ATP10D: variants seen among roughly 807,000 people sequenced by gnomAD.
The protein encoded by ATP10D is phospholipid-transporting ATPase VD.
ATP10D carries 89 observed loss-of-function variants against 144.8 expected under a neutral mutation model. The ratio of observed to expected loss-of-function variants is 0.61; its 90% CI spans 0.52 to 0.73. The LOEUF is 0.73. ATP10D is among the 30% of genes least tolerant of loss of function. The pLI is 0.00. For missense variants in ATP10D, 1,603 were observed against 1,714.8 expected (o/e 0.93, Z 1.15); for synonymous variants, 571 against 615.1 (o/e 0.93, Z 1.06).
At chr4:47,550,027 G>A (rs886878014) in intron 10 of ATP10D, among the ~76,000 whole-genome samples, 9 of 150,742 alleles carry the variant, frequency 6.0e-5, no homozygotes, top group Non-Finnish European at 1.3e-4. Flanking sequence ...AGATATTTGC[G>A]TCCACTCTTA....
rs1389647049 is a variant in ATP10D at position 47,572,939 on chromosome 4, GACACTGGTGTTAT to G, written c.3313_3325del (p.Trp1105GlyfsTer5). 5.6e-6 allele frequency: 9 copies of G among 1,613,936 alleles called. No individual in the cohort carries two copies. Among genetic ancestry groups the G allele is most frequent in the Non-Finnish European group, 7.6e-6 (9 of 1,179,976 alleles). On this transcript the variant is annotated frameshift_variant, in exon 18 of 23. Transcript: ENST00000273859. LOFTEE classifies it high-confidence loss of function. ...CTCAGCAAGCTCCTTCTTGTCCATG[GACACTGGTGTTAT>G]ACACGGCTTTCCAACATGATTCTCT...
intron 1 of ATP10D, among the ~76,000 whole-genome samples, chr4:47,500,165 T>C (rs1289635180): frequency 2.0e-5 from 3 of 152,266 alleles, no homozygotes; most frequent in Non-Finnish European, 2.9e-5. Context: ...TATACTCTTC[T>C]AGGCCTAGGC....
At chr4:47,546,540 T>G in intron 9 of ATP10D, 84 bp from the exon 10 acceptor site, 1 of 1,246,548 alleles carries the variant, frequency 8.0e-7, no homozygotes, top group Middle Eastern at 2.4e-4. Flanking sequence ...TGGTGTGAAA[T>G]AGCTGCTTAA....
chr4:47,526,791 T>G (rs1717269096), intron 5 of ATP10D, among the ~76,000 whole-genome samples: 1 of 152,130 alleles, frequency 6.6e-6, no homozygotes, highest in South Asian at 2.1e-4. Flanking sequence ...AATGCTTAAG[T>G]ATAAATCTGA....
chr4:47,573,410 T>A (rs1346405766), intron 18 of ATP10D, among the ~76,000 whole-genome samples: 3 of 152,238 alleles, frequency 2.0e-5, no homozygotes, highest in African/African-American at 7.2e-5. Context: ...CCCCATGTGT[T>A]ATAATAAAGA....
intron 13 of ATP10D, among the ~76,000 whole-genome samples, chr4:47,560,022 C>T (rs1030858901): frequency 1.3e-5 from 2 of 151,620 alleles, no homozygotes; most frequent in Non-Finnish European, 2.9e-5. Context: ...AAACCAAAAA[C>T]AAAAAGCCTG....
chr4:47,547,017 G>A (rs1718476912), intron 10 of ATP10D, 155 bp downstream of exon 10: 2 of 670,314 alleles, frequency 3.0e-6, no homozygotes, highest in East Asian at 2.7e-5. Context: ...ATAATTAGAA[G>A]TATAAACAAA....
chr4:47,503,841 G>C (rs1715853531), intron 1 of ATP10D, among the ~76,000 whole-genome samples: 1 of 152,050 alleles, frequency 6.6e-6, no homozygotes, highest in Admixed American at 6.5e-5. Context: ...CATGGCTGCA[G>C]TGAGCAGTGA....
intron 22 of ATP10D, among the ~76,000 whole-genome samples, chr4:47,590,251 T>C (rs987176197): frequency 6.6e-6 from 1 of 152,098 alleles, no homozygotes; most frequent in African/African-American, 2.4e-5. Context: ...TTACTGCTTA[T>C]AGTAAAATGT....
intron 3 of ATP10D, among the ~76,000 whole-genome samples, chr4:47,516,467 C>A (rs1005626031): frequency 1.3e-5 from 2 of 152,152 alleles, no homozygotes; most frequent in African/African-American, 4.8e-5. Flanking sequence ...TTATTTGCAG[C>A]TCCTGGGTTT....
chr4:47,490,989 C>T (rs1715041944), intron 1 of ATP10D: 2 of 672,192 alleles, frequency 3.0e-6, no homozygotes, highest in South Asian at 1.5e-5. Context: ...CCTCTGATGC[C>T]ATGTGTTCAT....
At chr4:47,575,832 C>G in intron 18 of ATP10D, among the ~76,000 whole-genome samples, 1 of 151,654 alleles carries the variant, frequency 6.6e-6, no homozygotes, top group East Asian at 1.9e-4. Flanking sequence ...CCAGAATGGT[C>G]AGGTTCTGGT....
chr4:47,536,749 A>G lies in ATP10D; in HGVS notation c.1207A>G (p.Ile403Val), dbSNP rs772847899. ...EIVKLGQIYF[I>V]QSDVDFYNEK... ...TGTGAAGCTTGGACAAATATATTTC[A>G]TTCAAAGTGATGTGGATTTCTACAA... is the stretch of plus-strand genomic sequence containing the variant. The change falls in exon 9 of 23, where the codon ATT (isoleucine) becomes GTT (valine). Residue 403 changes from isoleucine to valine, a missense_variant. By Grantham distance (29) the Ile-to-Val change is conservative. Transcript: ENST00000273859. The G allele has an allele frequency of 9.3e-6, 15 of 1,613,318 alleles. No individual in the cohort carries two copies. Among genetic ancestry groups the G allele is most frequent in the Admixed American group, 5.0e-5 (3 of 59,824 alleles).
In ATP10D at chr4:47,546,834, C is replaced by T; in HGVS notation, c.1607C>T (p.Ser536Phe). ...GAAGGAGCCAGTGAAGTGCCTCATT[C>T]CAGACAGGCTGCTTTCAGTAGCCCC... ...SGEGASEVPH[S>F]RQAAFSSPIE... Residue 536 changes from serine (S) to phenylalanine (F), a missense_variant, in exon 10 of 23, where the codon TCC (serine) becomes TTC (phenylalanine). Ser to Phe is a radical substitution (Grantham distance 155). Transcript: ENST00000273859. 1 of 1,613,014 alleles carries T rather than the reference C, an allele frequency of 6.2e-7. No homozygotes were observed. The highest frequency in any genetic ancestry group is 1.3e-5 in the African/African-American group (1 of 75,006).
At position 47,587,144 on chromosome 4, in the gene ATP10D, C is replaced by T. The variant is rs1354624414; in HGVS notation, c.3879C>T (p.His1293=). The change falls in exon 22 of 23, where the codon CAC becomes CAT. Residue 1293 remains histidine (H), a synonymous_variant. Coordinates refer to ENST00000273859, the MANE Select transcript of ATP10D (RefSeq NM_020453.4). ...ACCCTTACTGGATTATGCAGGAGCA[C>T]ATGCTGGATCCAGTATTCTACTTAG... ...PSNPYWIMQE[H]MLDPVFYLVC... The T allele has an allele frequency of 6.2e-7, 1 of 1,614,092 alleles. No individual in the cohort carries two copies.
intron 22 of ATP10D, among the ~76,000 whole-genome samples, chr4:47,588,012 T>G (rs1282222471): frequency 1.3e-5 from 2 of 152,156 alleles, no homozygotes; most frequent in African/African-American, 4.8e-5. Flanking sequence ...TGAACCTACA[T>G]ATGTACATTG....
intron 3 of ATP10D, among the ~76,000 whole-genome samples, chr4:47,522,784 G>C (rs1033071019): frequency 6.6e-6 from 1 of 152,098 alleles, no homozygotes; most frequent in East Asian, 1.9e-4. Context: ...GGCCAGGCTG[G>C]TCTGGAACTC....
intron 1 of ATP10D, among the ~76,000 whole-genome samples, chr4:47,496,065 A>G (rs1022509916): frequency 6.6e-5 from 10 of 151,618 alleles, no homozygotes; most frequent in Non-Finnish European, 1.2e-4. Context: ...GCTGTCTTAT[A>G]TTTCCATTAG....
chr4:47,493,857 T>C (rs888182300), intron 1 of ATP10D, among the ~76,000 whole-genome samples: 3 of 152,180 alleles, frequency 2.0e-5, no homozygotes, highest in African/African-American at 7.2e-5. Context: ...TTTGTGATTC[T>C]GATCTGTGAT....
Sources: allele counts gnomAD v4.1 joint callset (sites outside exome capture counted in the v4.1 genomes callset), GRCh38; gene constraint gnomAD v4.1.1; transcripts MANE v1.5; gene names NCBI Gene and HGNC (gene_info 2026-07-23, HGNC 2026-07-21).